The following INSYN1 variants were observed in gnomAD, a reference collection of about 807,000 sequenced individuals.
INSYN1 encodes the protein inhibitory synaptic factor 1.
Under a neutral mutation model 17.1 loss-of-function variants are expected in INSYN1, and 7 were observed. The observed-to-expected ratio is 0.41, with a 90% confidence interval of 0.23 to 0.77. The LOEUF (loss-of-function observed/expected upper bound fraction) is 0.77, where lower values mean the gene tolerates loss of function less well. Ranked by LOEUF, INSYN1 falls within the 30% of genes least tolerant of loss-of-function variation. The pLI is 0.32. For synonymous variants in INSYN1, 174 were observed against 166.3 expected, an observed-to-expected ratio of 1.05 and a Z score of -0.36; for missense variants, 339 against 400.6, an observed-to-expected ratio of 0.85 and a Z score of 1.31.
rs1269315906 is a variant in INSYN1 at position 73,736,628 on chromosome 15, G to T, written c.*3289C>A. ...CAAAAAAAAATTGGCCAGGCGTAGT[G>T]GCCCACGCCTGTAATCCCAGTGCTT... On this transcript the variant is annotated 3_prime_UTR_variant, in exon 3 of 3. Coordinates refer to ENST00000569673, the MANE Select transcript of INSYN1 (RefSeq NM_001039614.3). 2 of 152,180 alleles carry T rather than the reference G, an allele frequency of 1.3e-5. No homozygotes were observed. The highest frequency in any genetic ancestry group is 2.9e-5 in the Non-Finnish European group (2 of 68,096). 9.4% of individuals were successfully genotyped at this position (152,180 alleles called of 1,614,324 possible).
intron 2 of INSYN1, among the ~76,000 whole-genome samples, chr15:73,741,753 C>T (rs529986748): frequency 6.6e-6 from 1 of 152,370 alleles, no homozygotes; most frequent in South Asian, 2.1e-4. Context: ...CCCAGCACCT[C>T]TCTGGCGCCC....
At chr15:73,745,589 A>G (rs1311576476) in intron 2 of INSYN1, among the ~76,000 whole-genome samples, 1 of 152,230 alleles carries the variant, frequency 6.6e-6, no homozygotes, top group East Asian at 1.9e-4. Context: ...GAGCAGGACT[A>G]GGTCTCTTGC....
intron 2 of INSYN1, among the ~76,000 whole-genome samples, chr15:73,747,222 G>A (rs928377429): frequency 1.3e-5 from 2 of 152,076 alleles, no homozygotes; most frequent in Non-Finnish European, 2.9e-5. Context: ...TCACTTCTGT[G>A]GGGTCTCTGT....
chr15:73,744,461 G>C (rs1259107056), intron 2 of INSYN1, among the ~76,000 whole-genome samples: 1 of 152,186 alleles, frequency 6.6e-6, no homozygotes, highest in Non-Finnish European at 1.5e-5. Context: ...GAATGACATA[G>C]TGAGGATGTG....
At chr15:73,743,586 G>A (rs996142478) in intron 2 of INSYN1, among the ~76,000 whole-genome samples, 2 of 152,076 alleles carry the variant, frequency 1.3e-5, no homozygotes, top group East Asian at 1.9e-4. Flanking sequence ...TTGGGAGGCC[G>A]AGGCGGGCAG....
chr15:73,743,810 C>T (rs1901749051), intron 2 of INSYN1, among the ~76,000 whole-genome samples: 1 of 80,534 alleles, frequency 1.2e-5, no homozygotes, highest in South Asian at 4.3e-4. Context: ...AGCCTGGCAA[C>T]AGAGAGAGAC....
chr15:73,749,763 T>C (rs1487391807), intron 2 of INSYN1, among the ~76,000 whole-genome samples: 1 of 152,212 alleles, frequency 6.6e-6, no homozygotes, highest in Non-Finnish European at 1.5e-5. Context: ...GCAACAGTCA[T>C]TCTCATCTTC....
chr15:73,747,431 G>T (rs902619101), intron 2 of INSYN1, among the ~76,000 whole-genome samples: 2 of 152,324 alleles, frequency 1.3e-5, no homozygotes, highest in African/African-American at 4.8e-5. Flanking sequence ...GCCGTACGTG[G>T]AGCTGAGGAG....
intron 2 of INSYN1, among the ~76,000 whole-genome samples, chr15:73,742,014 T>C (rs1567035667): frequency 6.6e-6 from 1 of 152,206 alleles, no homozygotes; most frequent in East Asian, 1.9e-4. Context: ...ATTTTTCCTC[T>C]GTAGGTCTCA....
intron 2 of INSYN1, among the ~76,000 whole-genome samples, chr15:73,743,858 A>AAAAAAAAAAAAAAAAAAAAAAAAAAAAT (rs1901756832): frequency 2.2e-5 from 3 of 138,496 alleles, no homozygotes; most frequent in Non-Finnish European, 4.7e-5. Flanking sequence ...AAAAAAAAAA[A>AAAAAAAAAAAAAAAAAAAAAAAAAAAAT]GAAAGAAAAA....
intron 2 of INSYN1, 81 bp downstream of exon 2, chr15:73,750,894 C>T (rs947797440): frequency 1.5e-5 from 22 of 1,487,316 alleles, no homozygotes; most frequent in Admixed American, 3.4e-5. Context: ...CACACTCCAA[C>T]GTATTTATGA....
rs1901624587 is a variant in INSYN1, at chr15:73,739,789, G to C, written c.*128C>G. The C allele has an allele frequency of 4.8e-6, 1 of 206,886 alleles. No homozygotes were observed. The highest frequency in any genetic ancestry group is 2.4e-5 in the African/African-American group (1 of 42,372). 12.8% of individuals were successfully genotyped at this position (206,886 alleles called of 1,614,324 possible). ...CTCTGTGAAAGCTTTGGGGCCTGTGGGGCCAGATCCTTAGCATTTTTAAAT... is the reference window on the plus strand; with the variant it reads ...CTCTGTGAAAGCTTTGGGGCCTGTGCGGCCAGATCCTTAGCATTTTTAAAT... On this transcript the variant is annotated 3_prime_UTR_variant, in exon 3 of 3. Coordinates refer to ENST00000569673, the MANE Select transcript of INSYN1 (RefSeq NM_001039614.3).
chr15:73,741,002 C>A (rs1415562643), intron 2 of INSYN1, among the ~76,000 whole-genome samples: 1 of 152,210 alleles, frequency 6.6e-6, no homozygotes, highest in Non-Finnish European at 1.5e-5. Flanking sequence ...AGGGATGAAT[C>A]TTCCTTAGTT....
At chr15:73,745,704 G>C (rs1198477807) in intron 2 of INSYN1, among the ~76,000 whole-genome samples, 1 of 152,270 alleles carries the variant, frequency 6.6e-6, no homozygotes, top group Middle Eastern at 3.4e-3. Flanking sequence ...AACTACTCGG[G>C]AGGCTGAGGC....
rs1901649806 is a variant in INSYN1, at chr15:73,740,200, T to C, written c.599A>G (p.Asp200Gly). 6.2e-7 allele frequency: 1 copy of C among 1,613,976 alleles called. No homozygotes were observed. The highest frequency in any genetic ancestry group is 1.7e-5 in the Admixed American group (1 of 59,998). Reference sequence around the variant, plus strand: ...CTGCTCACCGTCCCCCTCCTCATCGTCACAGCACAGAGCATGGTAGAGCAC... The same window carrying C: ...CTGCTCACCGTCCCCCTCCTCATCGCCACAGCACAGAGCATGGTAGAGCAC... ...DKVLYHALCC[D>G]DEEGDGEQEV... is the part of the protein sequence containing the mutation. The change falls in exon 3 of 3, where the codon GAC becomes GGC. Residue 200 changes from aspartate (D) to glycine (G), a missense_variant. Asp to Gly is a moderately conservative substitution (Grantham distance 94). Coordinates refer to ENST00000569673, the MANE Select transcript of INSYN1 (RefSeq NM_001039614.3).
intron 2 of INSYN1, among the ~76,000 whole-genome samples, chr15:73,749,524 T>A (rs770756601): frequency 1.3e-5 from 2 of 152,346 alleles, no homozygotes; most frequent in East Asian, 3.9e-4. Context: ...ATAGGTCTCA[T>A]GTCCCTGGCC....
rs1258282046 is a variant in INSYN1, at chr15:73,740,146, G to T, written c.653C>A (p.Pro218His). The change falls in exon 3 of 3, where the codon CCC (proline) becomes CAC (histidine). Residue 218 changes from proline to histidine, a missense_variant. Transcript: ENST00000569673. ...GGCCTCTGTATGGGCAGGCTCAGGGGGCAAGCCCACTTCTTCCTCCTCCAC... is the reference window on the plus strand; with the variant it reads ...GGCCTCTGTATGGGCAGGCTCAGGGTGCAAGCCCACTTCTTCCTCCTCCAC... ...QEVEEEEVGL[P>H]PEPAHTEAHA... The T allele has an allele frequency of 6.2e-7, 1 of 1,613,836 alleles. No individual in the cohort carries two copies. The highest frequency in any genetic ancestry group is 8.5e-7 in the Non-Finnish European group (1 of 1,179,912).
rs1174343804 is a variant in INSYN1, at chr15:73,737,645, C to T, written c.*2272G>A. On this transcript the variant is annotated 3_prime_UTR_variant, in exon 3 of 3. Transcript: ENST00000569673. ...TCACCATGAGCTTGAGGAATAAGCT[C>T]TACATTGCAGAGCCTCCTAGGTCTG... The T allele has an allele frequency of 1.3e-5, 2 of 152,294 alleles. No homozygotes were observed. The highest frequency in any genetic ancestry group is 4.8e-5 in the African/African-American group (2 of 41,448). The allele number at this position is 152,294 out of a possible 1,614,324, so 9.4% of individuals were successfully genotyped here.
chr15:73,741,828 G>A (rs183486220), intron 2 of INSYN1, among the ~76,000 whole-genome samples: 1 of 152,184 alleles, frequency 6.6e-6, no homozygotes, highest in African/African-American at 2.4e-5. Context: ...TCAACAAACA[G>A]TTGCTAAGGG....
Sources: gnomAD v4.1 joint callset for allele counts (sites outside exome capture counted in the v4.1 genomes callset) on GRCh38, gnomAD v4.1.1 for gene constraint, MANE v1.5 for transcripts, NCBI Gene and HGNC (gene_info 2026-07-23, HGNC 2026-07-21) for gene names.